The following KYAT1 variants were observed in gnomAD, a reference collection of about 807,000 sequenced individuals.
The protein encoded by KYAT1 is kynurenine aminotransferase 1.
KYAT1 carries 47 observed loss-of-function variants against 52.4 expected under a neutral mutation model. That is an observed-to-expected ratio of 0.90 (90% CI 0.71 to 1.14). The LOEUF is 1.14. KYAT1 is among the 50% of genes most tolerant of loss of function. The pLI, the probability that KYAT1 is intolerant of heterozygous loss-of-function variation, is 0.00. For synonymous variants in KYAT1, 212 were observed against 209.6 expected, an observed-to-expected ratio of 1.01 and a Z score of -0.10; for missense variants, 480 against 557.9, an observed-to-expected ratio of 0.86 and a Z score of 1.41.
chr9:128,847,542 T>C (rs924706738), intron 1 of KYAT1: 1 of 1,528,870 alleles, frequency 6.5e-7, no homozygotes, highest in Non-Finnish European at 8.8e-7. Flanking sequence ...TCCCAGAGCC[T>C]TGGGGCACTG....
Position 128,838,267 on chromosome 9 carries a change from T to C in KYAT1, c.302A>G (p.Tyr101Cys). The change falls in exon 4 of 13, where the codon TAT (tyrosine) becomes TGT (cysteine). Residue 101 changes from tyrosine (Y) to cysteine (C), a missense_variant. Tyr to Cys is a radical substitution (Grantham distance 194). Coordinates refer to ENST00000302586, the MANE Select transcript of KYAT1 (RefSeq NM_004059.5). Reference sequence around the variant, plus strand: ...CTGGAAGGCTGTGAACAGGGCCCCATAGCCACCAACAGTCACCAGCACATT... The same window carrying C: ...CTGGAAGGCTGTGAACAGGGCCCCACAGCCACCAACAGTCACCAGCACATT... The part of the protein sequence containing the change: ...LRNVLVTVGG[Y>C]GALFTAFQAL... 6.2e-7 allele frequency: 1 copy of C among 1,614,160 alleles called. No individual in the cohort carries two copies. Among genetic ancestry groups the C allele is most frequent in the Non-Finnish European group, 8.5e-7 (1 of 1,180,032 alleles).
At position 128,850,508 on chromosome 9, in the gene KYAT1, T is replaced by C. The variant is rs148291674; in HGVS notation, c.-6-5097A>G. On this transcript the variant is annotated intron_variant, in intron 1 of 12. Coordinates refer to ENST00000302586, the MANE Select transcript of KYAT1 (RefSeq NM_004059.5). ...CTTGGTAAAAGTCATCGCCATTCTC[T>C]AGTCTCAATAAACCAGGGGCACAAT... is the stretch of plus-strand genomic sequence containing the variant. 3.3e-3 allele frequency among the ~76,000 whole-genome samples: 503 copies of C among 152,314 alleles called. 2 individuals carry two copies. The highest frequency in any genetic ancestry group is 0.011 in the African/African-American group (465 of 41,576).
intron 3 of KYAT1, among the ~76,000 whole-genome samples, chr9:128,840,443 A>G (rs772940848): frequency 1.2e-4 from 19 of 152,076 alleles, no homozygotes; most frequent in Non-Finnish European, 4.4e-5. Flanking sequence ...TAGAGATGGG[A>G]TCTCACCATG....
At chr9:128,850,979 G>GT (rs1046310855) in intron 1 of KYAT1, among the ~76,000 whole-genome samples, 31 of 152,246 alleles carry the variant, frequency 2.0e-4, no homozygotes, top group African/African-American at 7.2e-4. Flanking sequence ...TTTTGCTCAT[G>GT]TTTTTTGCTG....
intron 11 of KYAT1, among the ~76,000 whole-genome samples, chr9:128,834,245 A>C (rs1830608155): frequency 6.6e-6 from 1 of 152,088 alleles, no homozygotes; most frequent in Non-Finnish European, 1.5e-5. Flanking sequence ...GAAAGAGAGA[A>C]AATCCATCCA....
At position 128,848,569 on chromosome 9, in the gene KYAT1, G is replaced by T. The variant is rs1041541110; in HGVS notation, c.-6-3158C>A. ...ATGGTGGCTCACGCCTGTAATCCCA[G>T]CACTGTGGGAGGCTGAGGCGAGTGG... is the stretch of plus-strand genomic sequence containing the variant. On this transcript the variant is annotated intron_variant, in intron 1 of 12. Coordinates refer to ENST00000302586, the MANE Select transcript of KYAT1 (RefSeq NM_004059.5). Among the ~76,000 whole-genome samples the T allele has an allele frequency of 4.6e-5, 7 of 152,244 alleles. 1 individual carries two copies. Among genetic ancestry groups the T allele is most frequent in the Admixed American group, 3.9e-4 (6 of 15,290 alleles).
At chr9:128,871,993 G>A (rs944939385) in intron 1 of KYAT1, among the ~76,000 whole-genome samples, 4 of 151,956 alleles carry the variant, frequency 2.6e-5, no homozygotes, top group Admixed American at 2.6e-4. Flanking sequence ...GCTGGGCATA[G>A]TGGCACACGC....
chr9:128,876,324 T>C (rs1379861601), intron 1 of KYAT1, among the ~76,000 whole-genome samples: 1 of 151,310 alleles, frequency 6.6e-6, no homozygotes, highest in Admixed American at 6.6e-5. Flanking sequence ...TGGGCTCAAG[T>C]GATCCTCTGG....
At chr9:128,839,830 T>C (rs370066135) in intron 3 of KYAT1, among the ~76,000 whole-genome samples, 3 of 151,214 alleles carry the variant, frequency 2.0e-5, no homozygotes, top group African/African-American at 7.3e-5. Context: ...GGCGGGAGGG[T>C]TGCTTGAGGC....
At chr9:128,857,666 C>T (rs1055094273) in intron 1 of KYAT1, among the ~76,000 whole-genome samples, 3 of 152,178 alleles carry the variant, frequency 2.0e-5, no homozygotes, top group Admixed American at 1.3e-4. Context: ...GAAACCCCGT[C>T]TCTACTAAAA....
intron 2 of KYAT1, among the ~76,000 whole-genome samples, chr9:128,843,984 C>T (rs1040382210): frequency 1.3e-5 from 2 of 152,184 alleles, no homozygotes; most frequent in African/African-American, 2.4e-5. Context: ...GTACAAGGCA[C>T]AGCCAGCCAG....
intron 1 of KYAT1, chr9:128,846,598 AC>A (rs1833131302): frequency 6.1e-6 from 5 of 825,858 alleles, no homozygotes; most frequent in Non-Finnish European, 6.8e-6. Context: ...GCAAGACTCT[AC>A]CAAAAAAAAA....
At chr9:128,861,647 T>C (rs751541495) in intron 1 of KYAT1, among the ~76,000 whole-genome samples, 1 of 152,156 alleles carries the variant, frequency 6.6e-6, no homozygotes, top group Non-Finnish European at 1.5e-5. Context: ...TGAAACTAAG[T>C]ACCTGTGCCT....
chr9:128,837,004 ACAGCTG>A (rs1185123472), intron 6 of KYAT1, 82 bp from the exon 7 acceptor site: 1 of 1,532,808 alleles, frequency 6.5e-7, no homozygotes, highest in Admixed American at 1.9e-5. Flanking sequence ...GTTAAAGAAC[ACAGCTG>A]CGGCCAGGTG....
At chr9:128,852,865 C>A (rs1284756358) in intron 1 of KYAT1, among the ~76,000 whole-genome samples, 1 of 152,154 alleles carries the variant, frequency 6.6e-6, no homozygotes, top group Non-Finnish European at 1.5e-5. Flanking sequence ...CCATTAACTC[C>A]AGAAGCAACT....
chr9:128,879,653 C>T (rs902990016), intron 1 of KYAT1, among the ~76,000 whole-genome samples: 3 of 152,164 alleles, frequency 2.0e-5, no homozygotes, highest in Admixed American at 6.5e-5. Context: ...GGGTAGGAGC[C>T]CATCTCTCCT....
chr9:128,867,992 C>A (rs142218262), intron 1 of KYAT1, among the ~76,000 whole-genome samples: 1 of 152,100 alleles, frequency 6.6e-6, no homozygotes, highest in Non-Finnish European at 1.5e-5. Context: ...CCAGGATGGT[C>A]TCGATCTCCT....
intron 1 of KYAT1, chr9:128,847,393 G>T: frequency 7.3e-7 from 1 of 1,367,286 alleles, no homozygotes. Context: ...AGAAGCCCCA[G>T]GCCATGCAGG....
intron 1 of KYAT1, among the ~76,000 whole-genome samples, chr9:128,862,106 C>CT (rs755497929): frequency 7.2e-5 from 11 of 152,204 alleles, no homozygotes; most frequent in Non-Finnish European, 1.5e-4. Flanking sequence ...TCAAATCAGT[C>CT]TTTTTTTCCT....
Sources: allele counts gnomAD v4.1 joint callset (sites outside exome capture counted in the v4.1 genomes callset), GRCh38; gene constraint gnomAD v4.1.1; transcripts MANE v1.5; gene names NCBI Gene and HGNC (gene_info 2026-07-23, HGNC 2026-07-21).